The following ZNF462 variants were observed in gnomAD, a reference collection of about 807,000 sequenced individuals.
ZNF462 encodes the protein zinc finger PBX1-interacting protein.
Under a neutral mutation model 201.9 loss-of-function variants are expected in ZNF462, and 10 were observed. That is an observed-to-expected ratio of 0.05 (90% CI 0.03 to 0.08). The LOEUF is 0.08. ZNF462 is among the 10% of genes least tolerant of loss of function. The pLI, the probability that ZNF462 is intolerant of heterozygous loss-of-function variation, is 1.00. For missense variants in ZNF462, 2,523 were observed against 3,168.3 expected, an observed-to-expected ratio of 0.80 and a Z score of 4.89; for synonymous variants, 1,227 against 1,193.3, an observed-to-expected ratio of 1.03 and a Z score of -0.58.
intron 1 of ZNF462, among the ~76,000 whole-genome samples, chr9:106,877,813 A>G (rs756421273): frequency 2.6e-5 from 4 of 152,196 alleles, no homozygotes; most frequent in Non-Finnish European, 5.9e-5. Flanking sequence ...CTCCTAAATG[A>G]GAGATTTTTG....
At chr9:106,884,094 G>A (rs1303453896) in intron 1 of ZNF462, among the ~76,000 whole-genome samples, 1 of 152,146 alleles carries the variant, frequency 6.6e-6, no homozygotes, top group African/African-American at 2.4e-5. Context: ...TCCTAAACCA[G>A]GCTGATCTTC....
At chr9:106,982,432 A>G (rs1827507633) in intron 9 of ZNF462, among the ~76,000 whole-genome samples, 1 of 152,214 alleles carries the variant, frequency 6.6e-6, no homozygotes, top group African/African-American at 2.4e-5. Flanking sequence ...GAGTTACAAG[A>G]ATAGAATATC....
intron 1 of ZNF462, among the ~76,000 whole-genome samples, chr9:106,912,363 G>A (rs986165186): frequency 1.3e-5 from 2 of 152,160 alleles, no homozygotes; most frequent in African/African-American, 4.8e-5. Context: ...TAAACACACT[G>A]CTTGCATGCC....
At position 106,927,421 on chromosome 9, in the gene ZNF462, C is replaced by G. The variant is rs1403997548; in HGVS notation, c.3509C>G (p.Pro1170Arg). ...VEGPQGSPRPPAPIQQLNRSS... is the reference protein window; with the variant it reads ...VEGPQGSPRPRAPIQQLNRSS... ...GGGCCCCAAGGCTCCCCCCGGCCAC[C>G]CGCCCCCATACAACAGCTGAACCGA... The change falls in exon 3 of 13, where the codon CCC becomes CGC. Residue 1170 changes from proline to arginine, a missense_variant. By Grantham distance (103) the Pro-to-Arg change is moderately radical (BLOSUM62 -2). Transcript: ENST00000277225. 5 of 1,613,958 alleles carry G rather than the reference C, an allele frequency of 3.1e-6. No individual in the cohort carries two copies. The highest frequency in any genetic ancestry group is 4.2e-6 in the Non-Finnish European group (5 of 1,179,990).
At chr9:106,931,665 G>A (rs977656289) in intron 4 of ZNF462, among the ~76,000 whole-genome samples, 1 of 152,142 alleles carries the variant, frequency 6.6e-6, no homozygotes. Context: ...GGCTTTTCCT[G>A]TGTAATCAGT....
intron 1 of ZNF462, among the ~76,000 whole-genome samples, chr9:106,889,337 G>A (rs1393595399): frequency 6.6e-6 from 1 of 152,206 alleles, no homozygotes; most frequent in African/African-American, 2.4e-5. Context: ...TCAGAGGGTT[G>A]TGATCGTTAA....
intron 1 of ZNF462, among the ~76,000 whole-genome samples, chr9:106,888,202 C>T (rs532799665): frequency 3.4e-4 from 52 of 151,798 alleles, no homozygotes; most frequent in Middle Eastern, 3.4e-3. Flanking sequence ...CCACCGCGCC[C>T]GGCTAATTTT....
Position 107,011,289 on chromosome 9 carries a change from G to T in ZNF462, c.*259G>T, listed in dbSNP as rs1264489388. On this transcript the variant is annotated 3_prime_UTR_variant, in exon 13 of 13. Transcript: ENST00000277225. The surrounding 1 kb of genome is among the most constrained non-coding windows in gnomAD (Gnocchi z 5.6). ...GATCTTCATCATGGAAGTTTCATTTGTTGCGGAATATGGAAGCACCTCCCA... is the reference window on the plus strand; with the variant it reads ...GATCTTCATCATGGAAGTTTCATTTTTTGCGGAATATGGAAGCACCTCCCA... 2 of 433,774 alleles carry T rather than the reference G, an allele frequency of 4.6e-6. No homozygotes were observed. The highest frequency in any genetic ancestry group is 8.5e-6 in the Non-Finnish European group (2 of 235,794). The allele number at this position is 433,774 out of a possible 1,614,324, so 26.9% of individuals were successfully genotyped here. A position where few individuals can be genotyped will look rare whatever the true frequency, so the allele number is the denominator to read the frequency against.
chr9:106,960,867 C>A (rs1420106187), intron 7 of ZNF462, among the ~76,000 whole-genome samples: 4 of 152,074 alleles, frequency 2.6e-5, no homozygotes, highest in Non-Finnish European at 4.4e-5. Flanking sequence ...TCATTGGTTA[C>A]CTGGGCAACA....
rs1315448093 is a variant in ZNF462, at chr9:106,924,889, A to G, written c.977A>G (p.Asn326Ser). 2 of 1,613,890 alleles carry G rather than the reference A, an allele frequency of 1.2e-6. No individual in the cohort carries two copies. The highest frequency in any genetic ancestry group is 1.7e-6 in the Non-Finnish European group (2 of 1,180,016). ...TCCAACTTCAGGGGCTCCATGGGCA[A>G]CTCCATCATGAGACCCAATTCTTCA... ...TVSNFRGSMGNSIMRPNSSAS... is the reference protein window; with the variant it reads ...TVSNFRGSMGSSIMRPNSSAS... Residue 326 changes from asparagine to serine, a missense_variant, in exon 3 of 13, where the codon AAC (asparagine) becomes AGC (serine). By Grantham distance (46) the Asn-to-Ser change is conservative (BLOSUM62 1). Transcript: ENST00000277225. The surrounding 1 kb of genome is among the most constrained non-coding windows in gnomAD (Gnocchi z 6.2).
rs373385177 is a variant in ZNF462 at position 106,993,719 on chromosome 9, T to C, written c.7056+9310T>C. Among the ~76,000 whole-genome samples, 3 of 151,794 alleles carry C rather than the reference T, an allele frequency of 2.0e-5. No individual in the cohort carries two copies. The highest frequency in any genetic ancestry group is 4.4e-5 in the Non-Finnish European group (3 of 67,980). ...AATTATTTATCAGTAATGCCCTTTA[T>C]TAGCAATACTGTTGAAAGATGAAGA... On this transcript the variant is annotated intron_variant, in intron 10 of 12. Coordinates refer to ENST00000277225, the MANE Select transcript of ZNF462 (RefSeq NM_021224.6). This position sits in a 1 kb window ranked among gnomAD's most constrained non-coding sequence, Gnocchi z 4.0.
intron 7 of ZNF462, among the ~76,000 whole-genome samples, chr9:106,953,456 T>G (rs1831441444): frequency 6.6e-6 from 1 of 152,176 alleles, no homozygotes; most frequent in African/African-American, 2.4e-5. Context: ...ATCCTTCTTT[T>G]TTTGTCTGTG....
At chr9:107,000,172 G>A (rs941173716) in intron 10 of ZNF462, among the ~76,000 whole-genome samples, 3 of 152,002 alleles carry the variant, frequency 2.0e-5, no homozygotes, top group East Asian at 3.9e-4. Context: ...CTCCTCGAGG[G>A]CCTGACATAT....
chr9:106,953,752 C>T (rs904498829), intron 7 of ZNF462, among the ~76,000 whole-genome samples: 10 of 152,280 alleles, frequency 6.6e-5, no homozygotes, highest in Non-Finnish European at 1.5e-4. Flanking sequence ...TCTGTTCTAA[C>T]TGCTCCCTAC....
chr9:106,989,263 G>A (rs192491343), intron 10 of ZNF462, among the ~76,000 whole-genome samples: 1 of 152,116 alleles, frequency 6.6e-6, no homozygotes, highest in Non-Finnish European at 1.5e-5. Context: ...CCTGGATATT[G>A]TCCAATGCTT....
At chr9:106,939,476 T>C (rs1030741417) in intron 7 of ZNF462, among the ~76,000 whole-genome samples, 2 of 152,318 alleles carry the variant, frequency 1.3e-5, no homozygotes, top group African/African-American at 4.8e-5. Context: ...TCTAAAAATA[T>C]GTGCTGCGAA....
At chr9:106,906,866 T>C (rs1428631340) in intron 1 of ZNF462, among the ~76,000 whole-genome samples, 3 of 152,238 alleles carry the variant, frequency 2.0e-5, no homozygotes, top group Non-Finnish European at 2.9e-5. Flanking sequence ...TCTCCTCTTT[T>C]CTAGTAGTTG....
In ZNF462 at chr9:106,865,213, T is replaced by C. The variant is rs1432156567; in HGVS notation, c.-31+1858T>C. On this transcript the variant is annotated intron_variant, in intron 1 of 12. Transcript: ENST00000277225. The surrounding 1 kb of genome is among the most constrained non-coding windows in gnomAD (Gnocchi z 4.1). Reference sequence around the variant, plus strand: ...TTAAAGTAAACTTTTGGAATTTTTTTTCTCCTTTTGAGTGGACCTGAAGGG... The same window carrying C: ...TTAAAGTAAACTTTTGGAATTTTTTCTCTCCTTTTGAGTGGACCTGAAGGG... 1.3e-5 allele frequency among the ~76,000 whole-genome samples: 2 copies of C among 152,172 alleles called. No individual in the cohort carries two copies. Among genetic ancestry groups the C allele is most frequent in the Non-Finnish European group, 2.9e-5 (2 of 68,048 alleles).
rs1295126188 is a variant in ZNF462, at chr9:106,865,890, A to T, written c.-31+2535A>T. 6.6e-6 allele frequency among the ~76,000 whole-genome samples: 1 copy of T among 152,160 alleles called. No homozygotes were observed. The highest frequency in any genetic ancestry group is 1.9e-4 in the East Asian group (1 of 5,194). ...AGCTCTTCACATATTAGTTTTAGAG[A>T]ATGTACATAATTGACCCAAGCAAAG... On this transcript the variant is annotated intron_variant, in intron 1 of 12. Transcript: ENST00000277225. This position sits in a 1 kb window ranked among gnomAD's most constrained non-coding sequence, Gnocchi z 4.1.
Sources: allele counts gnomAD v4.1 joint callset (sites outside exome capture counted in the v4.1 genomes callset), GRCh38; gene constraint gnomAD v4.1.1; non-coding constraint Gnocchi (gnomAD v3.1); transcripts MANE v1.5; gene names NCBI Gene and HGNC (gene_info 2026-07-23, HGNC 2026-07-21).